PTPRG: variants seen among roughly 807,000 people sequenced by gnomAD.
PTPRG encodes receptor-type tyrosine-protein phosphatase gamma.
In PTPRG, 102 loss-of-function variants were observed where a neutral mutation model predicts 165.3. The ratio of observed to expected loss-of-function variants is 0.62; its 90% CI spans 0.53 to 0.73. The LOEUF (loss-of-function observed/expected upper bound fraction) is 0.73. PTPRG is among the 30% of genes least tolerant of loss of function. PTPRG has a pLI of 0.00. For missense variants in PTPRG, 1,866 were observed against 1,861.4 expected, an observed-to-expected ratio of 1.00 and a Z score of -0.05; for synonymous variants, 675 against 669.5, an observed-to-expected ratio of 1.01 and a Z score of -0.13.
intron 16 of PTPRG, chr3:62,262,053 T>A (rs796773631): frequency 1.3e-5 from 2 of 152,226 alleles, no homozygotes; most frequent in Non-Finnish European, 2.9e-5. Flanking sequence ...GTTTGAAGCA[T>A]ATAGTGTAGA....
At chr3:62,285,946 A>G (rs1048387035) in intron 28 of PTPRG, among the ~76,000 whole-genome samples, 1 of 152,194 alleles carries the variant, frequency 6.6e-6, no homozygotes, top group African/African-American at 2.4e-5. Context: ...TGCCTTATTC[A>G]TACCCATTCT....
chr3:61,946,735 T>A (rs1052211008), intron 2 of PTPRG, among the ~76,000 whole-genome samples: 7 of 152,262 alleles, frequency 4.6e-5, no homozygotes, highest in African/African-American at 1.7e-4. Flanking sequence ...GGCATTGCTC[T>A]CTTCTGTTGC....
intron 4 of PTPRG, among the ~76,000 whole-genome samples, chr3:62,047,666 A>G (rs974428254): frequency 1.3e-5 from 2 of 152,154 alleles, no homozygotes; most frequent in Non-Finnish European, 2.9e-5. Flanking sequence ...TTCAGCTGTC[A>G]CCTTATGTAA....
At chr3:61,720,443 G>A (rs933416724) in intron 1 of PTPRG, among the ~76,000 whole-genome samples, 4 of 152,102 alleles carry the variant, frequency 2.6e-5, no homozygotes, top group African/African-American at 4.8e-5. Context: ...TTTTAAACTC[G>A]TATTTAATTG....
rs754359256 is a variant in PTPRG at position 62,273,006 on chromosome 3, A to T, written c.3243A>T (p.Lys1081Asn). The T allele has an allele frequency of 6.8e-6, 11 of 1,613,886 alleles. No homozygotes were observed. The highest frequency in any genetic ancestry group is 9.3e-6 in the Non-Finnish European group (11 of 1,179,856). The change falls in exon 22 of 30, where the codon AAA becomes AAT. Residue 1081 changes from lysine to asparagine, a missense_variant. Physicochemically the swap from Lys to Asn is moderately conservative, Grantham distance 94. Transcript: ENST00000474889. This position sits in a 1 kb window ranked among gnomAD's most constrained non-coding sequence, Gnocchi z 4.1. ...TAGACAGCATGCTGCAACAGATAAA[A>T]GACAAAAGCACAGTTAACGTCCTGG... is the stretch of plus-strand genomic sequence containing the variant. The part of the protein sequence containing the change: ...IVIDSMLQQI[K>N]DKSTVNVLGF...
At chr3:61,935,824 C>A (rs1337103735) in intron 2 of PTPRG, among the ~76,000 whole-genome samples, 1 of 151,700 alleles carries the variant, frequency 6.6e-6, no homozygotes, top group Admixed American at 6.6e-5. Context: ...TCCTGTCTGT[C>A]CTGGGCATTG....
At position 61,784,049 on chromosome 3, in the gene PTPRG, C is replaced by A. The variant is rs150216827; in HGVS notation, c.190+35067C>A. ...TAGAGCAATATCCCCTGAGAAACAC[C>A]AATATTAAAGAAGCTGAAAAACCAA... On this transcript the variant is annotated intron_variant, in intron 2 of 29. Transcript: ENST00000474889. 9.5e-3 allele frequency among the ~76,000 whole-genome samples: 1,442 copies of A among 152,156 alleles called. 12 individuals are homozygous for A. Among genetic ancestry groups the A allele is most frequent in the Non-Finnish European group, 0.015 (1,053 of 68,014 alleles).
chr3:62,264,632 CT>C (rs1210720023), intron 17 of PTPRG, among the ~76,000 whole-genome samples: 2 of 152,062 alleles, frequency 1.3e-5, no homozygotes, highest in African/African-American at 4.8e-5. Context: ...TACTTCATTC[CT>C]TTTTATGGCT....
At chr3:62,130,847 T>A (rs1703487493) in intron 5 of PTPRG, among the ~76,000 whole-genome samples, 1 of 152,220 alleles carries the variant, frequency 6.6e-6, no homozygotes, top group South Asian at 2.1e-4. Flanking sequence ...GTCCCTGGCT[T>A]GAGCTTCTTC....
intron 2 of PTPRG, among the ~76,000 whole-genome samples, chr3:61,879,471 G>A (rs570141820): frequency 6.6e-6 from 1 of 151,684 alleles, no homozygotes; most frequent in Non-Finnish European, 1.5e-5. Flanking sequence ...TATTCTTTTT[G>A]ATTTTTTTTA....
chr3:62,144,937 C>T (rs915965763), intron 6 of PTPRG, among the ~76,000 whole-genome samples: 3 of 151,962 alleles, frequency 2.0e-5, no homozygotes, highest in East Asian at 3.9e-4. Flanking sequence ...AATATTTTAT[C>T]GTTTGAACAG....
intron 1 of PTPRG, among the ~76,000 whole-genome samples, chr3:61,743,517 G>GTT (rs1475530696): frequency 6.6e-6 from 1 of 152,168 alleles, no homozygotes; most frequent in African/African-American, 2.4e-5. Context: ...CTGTGTGTGT[G>GTT]TGTGTGTTGG....
intron 4 of PTPRG, among the ~76,000 whole-genome samples, chr3:62,067,281 C>T (rs1187455482): frequency 1.3e-5 from 2 of 149,952 alleles, no homozygotes; most frequent in African/African-American, 4.9e-5. Context: ...CTTTTGTCAA[C>T]CTCCAAAGCG....
chr3:61,946,222 A>T (rs2039758691), intron 2 of PTPRG, among the ~76,000 whole-genome samples: 1 of 152,212 alleles, frequency 6.6e-6, no homozygotes, highest in Admixed American at 6.5e-5. Context: ...ATCACACTGG[A>T]TAATTTTAAA....
intron 7 of PTPRG, among the ~76,000 whole-genome samples, chr3:62,166,885 C>T (rs192342369): frequency 7.6e-4 from 116 of 152,028 alleles, no homozygotes; most frequent in Non-Finnish European, 2.6e-4. Context: ...GGCAGGGTCT[C>T]GTTGTCTGGG....
intron 1 of PTPRG, among the ~76,000 whole-genome samples, chr3:61,679,760 G>A (rs895390837): frequency 1.3e-5 from 2 of 152,042 alleles, no homozygotes; most frequent in Non-Finnish European, 1.5e-5. Flanking sequence ...CAGCCTGGGC[G>A]ACGAGCGAAA....
intron 2 of PTPRG, among the ~76,000 whole-genome samples, chr3:61,841,334 A>C (rs1255203073): frequency 6.6e-6 from 1 of 151,922 alleles, no homozygotes; most frequent in Non-Finnish European, 1.5e-5. Context: ...GGCCAGGTGC[A>C]CTCTCTAGGT....
intron 2 of PTPRG, among the ~76,000 whole-genome samples, chr3:61,836,062 C>CA (rs749017389): frequency 0.01 from 1,039 of 103,640 alleles, 15 homozygotes; most frequent in East Asian, 0.04. Flanking sequence ...CCCCCCCCAC[C>CA]AAAAAAAAAA....
intron 2 of PTPRG, among the ~76,000 whole-genome samples, chr3:61,795,043 T>G (rs1486666907): frequency 6.6e-6 from 1 of 152,192 alleles, no homozygotes; most frequent in African/African-American, 2.4e-5. Flanking sequence ...ATTGCATACT[T>G]AATATATTCC....
Sources: allele counts gnomAD v4.1 joint callset (sites outside exome capture counted in the v4.1 genomes callset), GRCh38; gene constraint gnomAD v4.1.1; non-coding constraint Gnocchi (gnomAD v3.1); transcripts MANE v1.5; gene names NCBI Gene and HGNC (gene_info 2026-07-23, HGNC 2026-07-21).